The following INO80 variants were observed in gnomAD, a reference collection of about 807,000 sequenced individuals.
INO80 encodes chromatin-remodeling ATPase INO80.
Under a neutral mutation model 203.4 loss-of-function variants are expected in INO80, and 20 were observed. The observed-to-expected ratio is 0.10, with a 90% confidence interval of 0.07 to 0.14. INO80 has a LOEUF of 0.14. INO80 is among the 10% of genes least tolerant of loss of function. The pLI is 1.00. For missense variants in INO80, 1,419 were observed against 1,914.4 expected, an observed-to-expected ratio of 0.74 and a Z score of 4.83; for synonymous variants, 726 against 685.2, an observed-to-expected ratio of 1.06 and a Z score of -0.93.
chr15:41,075,473 G>T (rs562028384), intron 9 of INO80, among the ~76,000 whole-genome samples: 1 of 151,502 alleles, frequency 6.6e-6, no homozygotes, highest in East Asian at 1.9e-4. Flanking sequence ...GGGGAGGCGG[G>T]GGGCAGAGTC....
In INO80 at chr15:41,077,119, G is replaced by C. The variant is rs535002126; in HGVS notation, c.1132-2554C>G. 2.1e-4 allele frequency among the ~76,000 whole-genome samples: 32 copies of C among 152,042 alleles called. 1 individual carries two copies. The highest frequency in any genetic ancestry group is 7.5e-4 in the African/African-American group (31 of 41,512). ...AGACGGGGTTTCACCGTGTTAGCCAGGATGGTCTCGATCTCCCGATCTCTT... is the reference window on the plus strand; with the variant it reads ...AGACGGGGTTTCACCGTGTTAGCCACGATGGTCTCGATCTCCCGATCTCTT... On this transcript the variant is annotated intron_variant, in intron 9 of 35. Transcript: ENST00000648947.
intron 4 of INO80, among the ~76,000 whole-genome samples, chr15:41,093,095 A>C (rs1479873847): frequency 6.6e-6 from 1 of 152,108 alleles, no homozygotes; most frequent in Non-Finnish European, 1.5e-5. Context: ...CAAAAAGCAG[A>C]TTAGTCGCTG....
At chr15:41,087,011 T>C (rs1045068396) in intron 6 of INO80, among the ~76,000 whole-genome samples, 1 of 152,192 alleles carries the variant, frequency 6.6e-6, no homozygotes, top group African/African-American at 2.4e-5. Context: ...TAGGAATCTG[T>C]CTTTCCAATT....
At chr15:41,027,767 C>A (rs771431749) in intron 24 of INO80, 31 bp from the exon 25 acceptor site, 7 of 1,533,570 alleles carry the variant, frequency 4.6e-6, no homozygotes, top group Non-Finnish European at 6.2e-6. Flanking sequence ...TGAATGCCAA[C>A]TATAATTATG....
intron 9 of INO80, among the ~76,000 whole-genome samples, chr15:41,079,454 C>T (rs1264118841): frequency 6.6e-6 from 1 of 151,900 alleles, no homozygotes; most frequent in Non-Finnish European, 1.5e-5. Flanking sequence ...TCTAAAATCA[C>T]CATCCTCAAA....
At chr15:40,986,273 T>A (rs2043731264) in intron 31 of INO80, among the ~76,000 whole-genome samples, 1 of 152,022 alleles carries the variant, frequency 6.6e-6, no homozygotes, top group Non-Finnish European at 1.5e-5. Flanking sequence ...AAGCCACATT[T>A]ACCTTTAAAA....
At chr15:41,035,996 A>C (rs1436228650) in intron 24 of INO80, among the ~76,000 whole-genome samples, 2 of 149,756 alleles carry the variant, frequency 1.3e-5, no homozygotes, top group Admixed American at 6.7e-5. Flanking sequence ...AAACAAAAAA[A>C]CCCATAAAAT....
chr15:41,078,077 T>C (rs2045432279), intron 9 of INO80, among the ~76,000 whole-genome samples: 1 of 151,868 alleles, frequency 6.6e-6, no homozygotes, highest in Non-Finnish European at 1.5e-5. Flanking sequence ...TTTTTGTATT[T>C]TTAGTAGAGA....
At chr15:41,083,558 T>C (rs998330107) in intron 7 of INO80, among the ~76,000 whole-genome samples, 3 of 151,220 alleles carry the variant, frequency 2.0e-5, no homozygotes, top group Non-Finnish European at 2.9e-5. Context: ...ATACAAAAAT[T>C]AGCTGGGTGT....
At chr15:41,056,882 C>A (rs2044996126) in intron 16 of INO80, among the ~76,000 whole-genome samples, 176 bp from the exon 17 acceptor site, 1 of 152,056 alleles carries the variant, frequency 6.6e-6, no homozygotes, top group Admixed American at 6.6e-5. Flanking sequence ...AGGACACTTC[C>A]AAGGGAAATG....
chr15:41,016,448 T>C (rs1362595905), intron 26 of INO80, among the ~76,000 whole-genome samples: 2 of 152,208 alleles, frequency 1.3e-5, no homozygotes, highest in African/African-American at 2.4e-5. Context: ...TCACTCCCAA[T>C]CAGACATGTG....
Position 41,080,318 on chromosome 15 carries a change from G to A in INO80, c.928-414C>T, listed in dbSNP as rs1428356381. ...ATTACCATCACCCTCATTTATAAAT[G>A]AGGAAACACAGTTGAATGACTACCC... is the stretch of plus-strand genomic sequence containing the variant. On this transcript the variant is annotated intron_variant, in intron 8 of 35. Transcript: ENST00000648947. Among the ~76,000 whole-genome samples, 3 of 152,098 alleles carry A rather than the reference G, an allele frequency of 2.0e-5. No individual in the cohort carries two copies. The East Asian group carries it at 5.8e-4, about 29-fold the overall frequency.
In INO80 at chr15:41,095,643, T is replaced by C; in HGVS notation, c.339A>G (p.Leu113=). ...TTTTCTTCAGCTTAGAGAAATTATA[T>C]AAATTCCCCTTATCACATTTTGATT... is the stretch of plus-strand genomic sequence containing the variant. ...QSESKCDKGN[L]YNFSKLKKSR... is the part of the protein sequence containing the mutation. The change falls in exon 4 of 36, where the codon TTA becomes TTG. Residue 113 remains leucine (L), a synonymous_variant. Transcript: ENST00000648947. 2 of 1,611,306 alleles carry C rather than the reference T, an allele frequency of 1.2e-6. No homozygotes were observed.
chr15:41,046,202 CATACATATATATATATATAT>C (rs1405619061), intron 23 of INO80, among the ~76,000 whole-genome samples: 1,517 of 109,460 alleles, frequency 0.014, 190 homozygotes, highest in African/African-American at 0.054. Context: ...TGTGCGTATA[CATACATATATATATATATAT>C]ATATATATAT....
At chr15:41,033,124 A>G (rs1204059006) in intron 24 of INO80, among the ~76,000 whole-genome samples, 1 of 152,202 alleles carries the variant, frequency 6.6e-6, no homozygotes, top group Non-Finnish European at 1.5e-5. Context: ...TCAATGAGAC[A>G]GACAGGAGAC....
chr15:41,016,540 T>A (rs2044213489), intron 26 of INO80, among the ~76,000 whole-genome samples: 1 of 152,240 alleles, frequency 6.6e-6, no homozygotes, highest in Non-Finnish European at 1.5e-5. Flanking sequence ...ATGGGTGACA[T>A]CTATGTCAAT....
rs1489126561 is a variant in INO80 at position 41,116,087 on chromosome 15, G to A, written c.-158C>T. On this transcript the variant is annotated 5_prime_UTR_variant, in exon 1 of 36. Transcript: ENST00000648947. ...GTGGAGCCGCGGTTCGCTCTCTGAG[G>A]CCGTGGGACGGTGACTGCGTTGGGC... 1 of 396,968 alleles carries A rather than the reference G, an allele frequency of 2.5e-6. No individual in the cohort carries two copies. Among genetic ancestry groups the A allele is most frequent in the Non-Finnish European group, 4.4e-6 (1 of 224,962 alleles). The allele number at this position is 396,968 out of a possible 1,614,324, so 24.6% of individuals were successfully genotyped here. A position where few individuals can be genotyped will look rare whatever the true frequency, so the allele number is the denominator to read the frequency against.
intron 27 of INO80, 140 bp downstream of exon 27, chr15:41,015,948 A>C: frequency 1.6e-6 from 1 of 633,886 alleles, no homozygotes; most frequent in South Asian, 2.3e-5. Flanking sequence ...CTGTCTCAAA[A>C]AAAAAAAAAA....
chr15:41,072,902 TC>T (rs2140600374), intron 11 of INO80, among the ~76,000 whole-genome samples: 1 of 151,736 alleles, frequency 6.6e-6, no homozygotes, highest in East Asian at 2.0e-4. Context: ...TGCCTCAGCC[TC>T]CCGAGTAGCT....
Sources: gnomAD v4.1 joint callset for allele counts (sites outside exome capture counted in the v4.1 genomes callset) on GRCh38, gnomAD v4.1.1 for gene constraint, MANE v1.5 for transcripts, NCBI Gene and HGNC (gene_info 2026-07-23, HGNC 2026-07-21) for gene names.